The following TTC39C variants were observed in gnomAD, a reference collection of about 807,000 sequenced individuals.
TTC39C encodes the protein tetratricopeptide repeat domain 39C, also known as tetratricopeptide repeat protein 39C.
TTC39C carries 33 observed loss-of-function variants against 76.3 expected under a neutral mutation model. The observed-to-expected ratio is 0.43, with a 90% confidence interval of 0.33 to 0.58. The LOEUF is 0.58. Among genes scored for constraint, TTC39C ranks in the 20% least tolerant of loss-of-function variants. TTC39C has a pLI of 0.04. For synonymous variants in TTC39C, 254 were observed against 260.6 expected (o/e 0.97, Z 0.24); for missense variants, 595 against 701.4 (o/e 0.85, Z 1.71).
At chr18:24,104,932 T>C (rs553742311) in intron 6 of TTC39C, among the ~76,000 whole-genome samples, 1 of 152,232 alleles carries the variant, frequency 6.6e-6, no homozygotes, top group South Asian at 2.1e-4. Flanking sequence ...CATCAAGGAC[T>C]TTCTAAACGT....
At chr18:24,124,027 T>C (rs1222786734) in intron 9 of TTC39C, 84 bp downstream of exon 9, 2 of 961,656 alleles carry the variant, frequency 2.1e-6, no homozygotes, top group Admixed American at 5.4e-5. Context: ...TAGGAAATTA[T>C]ATTCAAGGCT....
intron 6 of TTC39C, among the ~76,000 whole-genome samples, chr18:24,097,085 G>T (rs1187283020): frequency 6.6e-6 from 1 of 152,212 alleles, no homozygotes; most frequent in African/African-American, 2.4e-5. Flanking sequence ...TCGATGAGAG[G>T]AATGGACAGG....
chr18:24,120,210 C>T (rs1462697810), intron 8 of TTC39C, among the ~76,000 whole-genome samples: 3 of 152,272 alleles, frequency 2.0e-5, no homozygotes, highest in East Asian at 3.9e-4. Flanking sequence ...ATAAGCCAGG[C>T]GTGGTGGCGC....
intron 1 of TTC39C, among the ~76,000 whole-genome samples, chr18:24,034,984 T>C (rs2083715389): frequency 6.6e-6 from 1 of 152,218 alleles, no homozygotes; most frequent in African/African-American, 2.4e-5. Context: ...TTCGGGTATA[T>C]ACCCAGAAGT....
At chr18:23,999,721 A>G (rs2083297712) in intron 1 of TTC39C, among the ~76,000 whole-genome samples, 1 of 152,214 alleles carries the variant, frequency 6.6e-6, no homozygotes, top group East Asian at 1.9e-4. Context: ...GCATCTGCAG[A>G]TAGTGGCAGA....
At chr18:24,103,239 T>TA (rs952964234) in intron 6 of TTC39C, among the ~76,000 whole-genome samples, 1 of 152,246 alleles carries the variant, frequency 6.6e-6, no homozygotes, top group Non-Finnish European at 1.5e-5. Context: ...AAGGTACAGA[T>TA]AAACGTCTTG....
intron 1 of TTC39C, among the ~76,000 whole-genome samples, chr18:24,024,758 T>G (rs1440672517): frequency 6.6e-6 from 1 of 152,166 alleles, no homozygotes; most frequent in East Asian, 1.9e-4. Context: ...GATTAGACGA[T>G]GAATTGAAAA....
Position 24,080,786 on chromosome 18 carries a change from T to C in TTC39C, c.662T>C (p.Phe221Ser). Residue 221 changes from phenylalanine (F) to serine (S), a missense_variant, in exon 5 of 14, where the codon TTT (phenylalanine) becomes TCT (serine). Physicochemically the swap from Phe to Ser is radical, Grantham distance 155. Coordinates refer to ENST00000317571, the MANE Select transcript of TTC39C (RefSeq NM_001135993.2). ...SLNRLKGAVS[F>S]GYGLFHLCIS... ...AACAGACTGAAAGGTGCTGTTAGCT[T>C]TGGATATGGCCTTTTTCACCTTTGC... 1 of 1,614,090 alleles carries C rather than the reference T, an allele frequency of 6.2e-7. No homozygotes were observed. The highest frequency in any genetic ancestry group is 8.5e-7 in the Non-Finnish European group (1 of 1,180,006).
chr18:24,130,212 C>CA lies in TTC39C; in HGVS notation c.1519-100dup, dbSNP rs985075314. The CA allele has an allele frequency of 8.8e-5, 47 of 533,634 alleles. 1 individual carries two copies. The allele number at this position is 533,634 out of a possible 1,614,324, so 33.1% of individuals were successfully genotyped here. A position where few individuals can be genotyped will look rare whatever the true frequency, so the allele number is the denominator to read the frequency against. On this transcript the variant is annotated intron_variant, in intron 11 of 13. Transcript: ENST00000317571. ...AGAAGAGAAAATCTGATCTAGAAAACAGAGTATGAGTCCCCCTTCCCGCCC... is the reference window on the plus strand; with the variant it reads ...AGAAGAGAAAATCTGATCTAGAAAACAAGAGTATGAGTCCCCCTTCCCGCCC...
intron 1 of TTC39C, among the ~76,000 whole-genome samples, chr18:24,026,539 TAGGC>T (rs1453521689): frequency 6.6e-6 from 1 of 152,224 alleles, no homozygotes; most frequent in Non-Finnish European, 1.5e-5. Context: ...GATACACAGA[TAGGC>T]AGAGCTTTCC....
chr18:24,028,246 G>A (rs2083621891), intron 1 of TTC39C, among the ~76,000 whole-genome samples: 1 of 152,146 alleles, frequency 6.6e-6, no homozygotes, highest in Non-Finnish European at 1.5e-5. Flanking sequence ...CTGCTGTGGT[G>A]GAATCTCAGA....
intron 1 of TTC39C, among the ~76,000 whole-genome samples, chr18:24,045,000 G>A (rs1425044904): frequency 5.3e-5 from 8 of 152,082 alleles, no homozygotes; most frequent in Non-Finnish European, 5.9e-5. Flanking sequence ...CAGGTGCGGT[G>A]GCTCACACCT....
intron 6 of TTC39C, among the ~76,000 whole-genome samples, chr18:24,106,008 C>T (rs1465348878): frequency 6.6e-6 from 1 of 152,190 alleles, no homozygotes; most frequent in Non-Finnish European, 1.5e-5. Context: ...GGTGTTCTCT[C>T]TTTGAGCTGG....
At chr18:24,029,254 C>T (rs918923684) in intron 1 of TTC39C, among the ~76,000 whole-genome samples, 2 of 152,136 alleles carry the variant, frequency 1.3e-5, no homozygotes, top group Admixed American at 6.5e-5. Context: ...AGGCGTGTAC[C>T]ACCACGCGTG....
chr18:24,124,312 G>A (rs2085018095), intron 9 of TTC39C: 1 of 158,234 alleles, frequency 6.3e-6, no homozygotes, highest in South Asian at 1.9e-4. Flanking sequence ...TTAATGAATG[G>A]AGACTATACG....
At chr18:24,016,926 G>A (rs1310142794) in intron 1 of TTC39C, among the ~76,000 whole-genome samples, 1 of 152,200 alleles carries the variant, frequency 6.6e-6, no homozygotes, top group African/African-American at 2.4e-5. Context: ...AGAGTGAGGT[G>A]TATCTTATCA....
At chr18:24,103,075 C>T (rs1052827762) in intron 6 of TTC39C, among the ~76,000 whole-genome samples, 1 of 152,142 alleles carries the variant, frequency 6.6e-6, no homozygotes, top group South Asian at 2.1e-4. Flanking sequence ...GCATTCCAAC[C>T]TGGGCAACAG....
chr18:23,999,315 G>A (rs1442807970), intron 1 of TTC39C, among the ~76,000 whole-genome samples: 1 of 152,108 alleles, frequency 6.6e-6, no homozygotes, highest in African/African-American at 2.4e-5. Context: ...TCAATGTGGG[G>A]TGATATGAAC....
At chr18:24,044,614 A>G (rs531737279) in intron 1 of TTC39C, among the ~76,000 whole-genome samples, 1 of 152,320 alleles carries the variant, frequency 6.6e-6, no homozygotes, top group East Asian at 1.9e-4. Flanking sequence ...GGAACACAGG[A>G]GAACAAAGAA....
Sources: allele counts gnomAD v4.1 joint callset (sites outside exome capture counted in the v4.1 genomes callset), GRCh38; gene constraint gnomAD v4.1.1; transcripts MANE v1.5; gene names NCBI Gene and HGNC (gene_info 2026-07-23, HGNC 2026-07-21).